Variants in ANO8 observed in about 807,000 individuals in gnomAD.
ANO8 encodes anoctamin-8.
ANO8 carries 67 observed loss-of-function variants against 120.4 expected under a neutral mutation model. The ratio of observed to expected loss-of-function variants is 0.56; its 90% CI spans 0.46 to 0.68. ANO8 has a LOEUF of 0.68. Ranked by LOEUF, ANO8 falls within the 30% of genes least tolerant of loss-of-function variation. The pLI is 0.00. For missense variants in ANO8, 1,526 were observed against 1,737.6 expected (o/e 0.88, Z 2.16); for synonymous variants, 727 against 759.2 (o/e 0.96, Z 0.70).
chr19:17,330,275 C>T, intron 9 of ANO8, 24 bp from the exon 10 acceptor site: 1 of 1,613,778 alleles, frequency 6.2e-7, no homozygotes, highest in Non-Finnish European at 8.5e-7. Context: ...GGGTTCAGGG[C>T]TCATCCCAGC....
chr19:17,334,510 A>T (rs908599470), intron 1 of ANO8, 55 bp downstream of exon 1: 1 of 1,404,920 alleles, frequency 7.1e-7, no homozygotes, highest in Non-Finnish European at 9.6e-7. Context: ...CGTGTAGTTG[A>T]CGCGGGCTCC....
chr19:17,333,680 G>A lies in ANO8; in HGVS notation c.217+10C>T, dbSNP rs200536296. ...GGGCACTGGGCGGGCGGGCGGGCGG[G>A]CTTGGGTACCTGGGAAGGTCATCAG... On this transcript the variant is annotated intron_variant, in intron 2 of 17. Transcript: ENST00000159087. This position sits in a 1 kb window ranked among gnomAD's most constrained non-coding sequence, Gnocchi z 7.2. The A allele has an allele frequency of 0.012, 8,890 of 716,208 alleles. 38 individuals carry two copies. Among genetic ancestry groups the A allele is most frequent in the Non-Finnish European group, 0.017 (7,842 of 449,966 alleles). 44.4% of individuals were successfully genotyped at this position (716,208 alleles called of 1,614,324 possible).
chr19:17,334,829 G>A lies in ANO8; in HGVS notation c.-159C>T, dbSNP rs1214258567. On this transcript the variant is annotated 5_prime_UTR_variant, in exon 1 of 18. It adds an upstream start codon to the 5' untranslated region. Coordinates refer to ENST00000159087, the MANE Select transcript of ANO8 (RefSeq NM_020959.3). Reference sequence around the variant, plus strand: ...CTCGCTCGCCCGAGCGCTGCTTCTCGTCCCCGCCCGAGCCGAACCTCGATT... The same window carrying A: ...CTCGCTCGCCCGAGCGCTGCTTCTCATCCCCGCCCGAGCCGAACCTCGATT... The A allele has an allele frequency of 3.2e-5, 41 of 1,265,932 alleles. No homozygotes were observed. The highest frequency in any genetic ancestry group is 4.3e-5 in the Non-Finnish European group (41 of 951,970). The allele number at this position is 1,265,932 out of a possible 1,614,324, so 78.4% of individuals were successfully genotyped here.
In ANO8 at chr19:17,327,518, T is replaced by G; in HGVS notation, c.2470A>C (p.Ile824Leu). The G allele has an allele frequency of 6.2e-7, 1 of 1,613,296 alleles. No homozygotes were observed. Among genetic ancestry groups the G allele is most frequent in the Non-Finnish European group, 8.5e-7 (1 of 1,179,848 alleles). ...VLAIVVNCYL[I>L]GQCGQLQRLF... is the part of the protein sequence containing the mutation. Reference sequence around the variant, plus strand: ...CGCTGCAGCTGCCCGCACTGGCCGATTAAGTAGCAGTTGACCACAATCGCT... The same window carrying G: ...CGCTGCAGCTGCCCGCACTGGCCGAGTAAGTAGCAGTTGACCACAATCGCT... Residue 824 changes from isoleucine to leucine, a missense_variant, in exon 15 of 18, where the codon ATC becomes CTC. Ile to Leu is a conservative substitution (Grantham distance 5). Around this residue, in one of 8 missense-constraint regions of ANO8, gnomAD observed 77 missense variants for 131.5 expected, o/e 0.59. Coordinates refer to ENST00000159087, the MANE Select transcript of ANO8 (RefSeq NM_020959.3).
chr19:17,325,516 A>G, intron 16 of ANO8, 130 bp from the exon 17 acceptor site: 1 of 1,324,986 alleles, frequency 7.5e-7, no homozygotes, highest in South Asian at 1.5e-5. Context: ...CTCCAACTGT[A>G]TCCCTGCACC....
Position 17,328,261 on chromosome 19 carries a change from C to A in ANO8, c.2127G>T (p.Gln709His), listed in dbSNP as rs767078644. ...PGSNSDSTRR[Q>H]RRQNRSSWID... ...TCCAAGACGACCGGTTCTGCCGTCTCTGCCTACGGGTCGAATCGCTGTTGG... is the reference window on the plus strand; with the variant it reads ...TCCAAGACGACCGGTTCTGCCGTCTATGCCTACGGGTCGAATCGCTGTTGG... Residue 709 changes from glutamine (Q) to histidine (H), a missense_variant, in exon 13 of 18, where the codon CAG becomes CAT. Around this residue, in one of 8 missense-constraint regions of ANO8, gnomAD observed 467 missense variants for 425.8 expected, o/e 1.10. Coordinates refer to ENST00000159087, the MANE Select transcript of ANO8 (RefSeq NM_020959.3). The A allele has an allele frequency of 6.8e-6, 11 of 1,611,288 alleles. No individual in the cohort carries two copies. The highest frequency in any genetic ancestry group is 9.3e-6 in the Non-Finnish European group (11 of 1,179,072).
chr19:17,326,116 G>A (rs1031982454), intron 16 of ANO8, among the ~76,000 whole-genome samples: 4 of 152,276 alleles, frequency 2.6e-5, no homozygotes, highest in Admixed American at 6.5e-5. Flanking sequence ...CTCTGTCCCC[G>A]GCTGTGTGCC....
chr19:17,328,127 G>T (rs1198803865), intron 13 of ANO8, 35 bp downstream of exon 13: 1 of 1,496,736 alleles, frequency 6.7e-7, no homozygotes, highest in South Asian at 1.3e-5. Flanking sequence ...CCCCGGCGAG[G>T]CCCCGCCCCC....
rs2074253990 is a variant in ANO8, at chr19:17,323,738, C to T, written c.3478G>A (p.Glu1160Lys). The change falls in exon 18 of 18, where the codon GAG becomes AAG. Residue 1160 changes from glutamate (E) to lysine (K), a missense_variant. Physicochemically the swap from Glu to Lys is moderately conservative, Grantham distance 56 (BLOSUM62 1). This residue lies in a region of ANO8 where 489 missense variants were observed against 548.6 expected (regional missense o/e 0.89). Transcript: ENST00000159087. ...AGGGCCTGGCGGGGGGCGGCACCCT[C>T]GCCCCCGCAGCCCCAGGGCCCGTCC... Reference protein sequence around the residue: ...QWDGPWGCGGEGAAPRQALAA... With the variant: ...QWDGPWGCGGKGAAPRQALAA... The T allele has an allele frequency of 1.0e-5, 12 of 1,204,466 alleles. No individual in the cohort carries two copies. Among genetic ancestry groups the T allele is most frequent in the Non-Finnish European group, 1.1e-5 (11 of 969,806 alleles). 74.6% of individuals were successfully genotyped at this position (1,204,466 alleles called of 1,614,324 possible).
At position 17,334,646 on chromosome 19, in the gene ANO8, C is replaced by T. The variant is rs749427259; in HGVS notation, c.25G>A (p.Gly9Arg). The T allele has an allele frequency of 1.2e-5, 18 of 1,483,606 alleles. No individual in the cohort carries two copies. The East Asian group carries it at 1.4e-4, about 12-fold the overall frequency. 91.9% of individuals were successfully genotyped at this position (1,483,606 alleles called of 1,614,324 possible). The change falls in exon 1 of 18, where the codon GGG (glycine) becomes AGG (arginine). Residue 9 changes from glycine to arginine, a missense_variant. Gly to Arg is a moderately radical substitution (Grantham distance 125). Around this residue, in one of 8 missense-constraint regions of ANO8, gnomAD observed 53 missense variants for 45.0 expected, o/e 1.18. Coordinates refer to ENST00000159087, the MANE Select transcript of ANO8 (RefSeq NM_020959.3). MAEAASGA[G>R]GTSLEGERGK... ...CGCTCGCCCTCCAGGGACGTGCCCC[C>T]GGCGCCGGAGGCGGCCTCGGCCATG...
At position 17,328,148 on chromosome 19, in the gene ANO8, C is replaced by CCCCCCCCGCGAG; in HGVS notation, c.2226+13_2226+14insCTCGCGGGGGGG. On this transcript the variant is annotated intron_variant, in intron 13 of 17. Transcript: ENST00000159087. ...CGAGGCCCCGCCCCCTGCGAGGCCC[C>CCCCCCCCGCGAG]GCCCCCTCCTCACCTCGTACTTCTT... 1 of 1,540,528 alleles carries CCCCCCCCGCGAG rather than the reference C, an allele frequency of 6.5e-7. No homozygotes were observed. The highest frequency in any genetic ancestry group is 8.8e-7 in the Non-Finnish European group (1 of 1,141,922).
chr19:17,325,888 A>G lies in ANO8; in HGVS notation c.2662-502T>C, dbSNP rs56311876. ...GGTTGCAGTGAGCTGAGATTGTGCC[A>G]TTGCACTCCAGCCTGGGGACAAAGC... is the stretch of plus-strand genomic sequence containing the variant. On this transcript the variant is annotated intron_variant, in intron 16 of 17. Coordinates refer to ENST00000159087, the MANE Select transcript of ANO8 (RefSeq NM_020959.3). Among the ~76,000 whole-genome samples, 1,030 of 152,320 alleles carry G rather than the reference A, an allele frequency of 6.8e-3. 13 individuals carry two copies. Among genetic ancestry groups the G allele is most frequent in the African/African-American group, 0.023 (962 of 41,570 alleles).
chr19:17,323,433 G>A lies in ANO8; in HGVS notation c.*84C>T. The A allele has an allele frequency of 2.4e-6, 3 of 1,265,784 alleles. No individual in the cohort carries two copies. The highest frequency in any genetic ancestry group is 3.0e-6 in the Non-Finnish European group (3 of 1,000,044). The allele number at this position is 1,265,784 out of a possible 1,614,324, so 78.4% of individuals were successfully genotyped here. A position where few individuals can be genotyped will look rare whatever the true frequency, so the allele number is the denominator to read the frequency against. Reference sequence around the variant, plus strand: ...CCAATACTGGGGGCCCTCGGGGGCTGAAGCGCATTTTGCATTTTGGAGACC... The same window carrying A: ...CCAATACTGGGGGCCCTCGGGGGCTAAAGCGCATTTTGCATTTTGGAGACC... On this transcript the variant is annotated 3_prime_UTR_variant, in exon 18 of 18. Coordinates refer to ENST00000159087, the MANE Select transcript of ANO8 (RefSeq NM_020959.3).
At chr19:17,332,785 A>T (rs967799543) in intron 5 of ANO8, 145 bp downstream of exon 5, 38 of 829,146 alleles carry the variant, frequency 4.6e-5, no homozygotes, top group Non-Finnish European at 6.2e-5. Flanking sequence ...CTAAGGCCAC[A>T]CCCCTTTAGC....
rs774838895 is a variant in ANO8 at position 17,328,910 on chromosome 19, C to T, written c.1478G>A (p.Arg493Gln). Reference sequence around the variant, plus strand: ...GCCCAGCTCGCCGCGGCCCAGGCGCCGGTACAGGTGCGGCTGCAGGACCTC... The same window carrying T: ...GCCCAGCTCGCCGCGGCCCAGGCGCTGGTACAGGTGCGGCTGCAGGACCTC... The part of the protein sequence containing the change: ...VREVLQPHLY[R>Q]RLGRGELGLR... Residue 493 changes from arginine to glutamine, a missense_variant, in exon 13 of 18, where the codon CGG becomes CAG. By Grantham distance (43) the Arg-to-Gln change is conservative. This residue lies in a region of ANO8 where 467 missense variants were observed against 425.8 expected (regional missense o/e 1.10). Transcript: ENST00000159087. The T allele has an allele frequency of 8.6e-6, 13 of 1,508,884 alleles. No homozygotes were observed. The highest frequency in any genetic ancestry group is 2.8e-5 in the East Asian group (1 of 36,030). 93.5% of individuals were successfully genotyped at this position (1,508,884 alleles called of 1,614,324 possible).
Position 17,330,957 on chromosome 19 carries a change from G to T in ANO8, c.864C>A (p.Ala288=), listed in dbSNP as rs763838120. 6.2e-7 allele frequency: 1 copy of T among 1,614,054 alleles called. No homozygotes were observed. Among genetic ancestry groups the T allele is most frequent in the African/African-American group, 1.3e-5 (1 of 74,926 alleles). Reference sequence around the variant, plus strand: ...GCGTCGACCAGATCACGTTGAAGAGGGCAAAGACCACGCAGGAAACATCCC... The same window carrying T: ...GCGTCGACCAGATCACGTTGAAGAGTGCAAAGACCACGCAGGAAACATCCC... ...TSRDVSCVVF[A]LFNVIWSTLF... is the part of the protein sequence containing the mutation. The change falls in exon 8 of 18, where the codon GCC becomes GCA. Residue 288 remains alanine (A), a synonymous_variant. Transcript: ENST00000159087.
At chr19:17,329,348 C>T (rs922515145) in intron 12 of ANO8, 8 of 341,146 alleles carry the variant, frequency 2.3e-5, no homozygotes, top group Non-Finnish European at 4.3e-5. Flanking sequence ...GCGCGCCAGG[C>T]CCCCAGCACA....
chr19:17,331,482 T>A, intron 5 of ANO8, 71 bp from the exon 6 acceptor site: 1 of 1,429,946 alleles, frequency 7.0e-7, no homozygotes, highest in South Asian at 1.1e-5. Context: ...CCTCTTTGTC[T>A]GAAACCCAAG....
chr19:17,324,224 G>T (rs13345139), intron 17 of ANO8, among the ~76,000 whole-genome samples: 3 of 146,172 alleles, frequency 2.1e-5, no homozygotes, highest in Non-Finnish European at 1.5e-5. Flanking sequence ...GGGGGTGGGA[G>T]GGTAGGGGTG....
Sources: allele counts gnomAD v4.1 joint callset (sites outside exome capture counted in the v4.1 genomes callset), GRCh38; gene constraint gnomAD v4.1.1; regional missense constraint gnomAD v4.1.1; non-coding constraint Gnocchi (gnomAD v3.1); transcripts MANE v1.5; gene names NCBI Gene and HGNC (gene_info 2026-07-23, HGNC 2026-07-21).